The following GAGE10 variants were observed in gnomAD, a reference collection of about 807,000 sequenced individuals.
The protein encoded by GAGE10 is G antigen 10.
GAGE10 carries 9 observed loss-of-function variants against 11.5 expected under a neutral mutation model. The observed-to-expected ratio is 0.78, with a 90% CI of 0.47 to 1.37. The LOEUF (loss-of-function observed/expected upper bound fraction) is 1.37. Among genes scored for constraint, GAGE10 ranks in the 40% most tolerant of loss-of-function variants. The probability of loss-of-function intolerance (pLI) is 0.00; values close to 1 mark genes in which losing one functional copy is unlikely to be tolerated. For synonymous variants in GAGE10, 23 were observed against 29.7 expected (o/e 0.77, Z 0.73); for missense variants, 83 against 92.9 (o/e 0.89, Z 0.44).
intron 4 of GAGE10, 135 bp downstream of exon 4, chrX:49,317,423 T>C (rs781980927): frequency 5.9e-5 from 59 of 997,703 alleles, no homozygotes; most frequent in East Asian, 1.1e-4. Context: ...TCTCGGCTCA[T>C]TGGAAATTCC....
intron 3 of GAGE10, among the ~76,000 whole-genome samples, chrX:49,308,406 C>G (rs2066364661): frequency 8.9e-6 from 1 of 112,043 alleles, no homozygotes; most frequent in Non-Finnish European, 1.9e-5. Flanking sequence ...GAGACTGGCT[C>G]TCCCGGCATC....
chrX:49,315,968 G>A (rs782794776), intron 3 of GAGE10, among the ~76,000 whole-genome samples: 24 of 112,323 alleles, frequency 2.1e-4, no homozygotes, highest in Non-Finnish European at 4.1e-4. Context: ...GCCAGTAGAA[G>A]AAGAAGCCCA....
intron 1 of GAGE10, 101 bp from the exon 2 acceptor site, chrX:49,304,751 T>C: frequency 2.0e-6 from 2 of 1,023,700 alleles, no homozygotes; most frequent in Non-Finnish European, 1.4e-6. Flanking sequence ...TTTGAAAGTA[T>C]TTTCAAAATT....
At chrX:49,312,859 C>T (rs1314286505) in intron 3 of GAGE10, among the ~76,000 whole-genome samples, 2 of 112,538 alleles carry the variant, frequency 1.8e-5, no homozygotes, top group Admixed American at 9.3e-5. Flanking sequence ...CTATGTGCCA[C>T]GGCTCTCTGC....
intron 3 of GAGE10, among the ~76,000 whole-genome samples, chrX:49,310,521 G>A (rs1228700597): frequency 8.9e-6 from 1 of 111,777 alleles, no homozygotes; most frequent in African/African-American, 3.3e-5. Flanking sequence ...AAGGAGAATG[G>A]TCAATGGCCT....
At chrX:49,308,999 C>G in intron 3 of GAGE10, among the ~76,000 whole-genome samples, 2 of 112,190 alleles carry the variant, frequency 1.8e-5, no homozygotes. Flanking sequence ...AAGCACAGAT[C>G]CCTTAGCGTG....
intron 3 of GAGE10, among the ~76,000 whole-genome samples, chrX:49,312,684 G>A (rs2066379332): frequency 8.9e-6 from 1 of 112,716 alleles, no homozygotes; most frequent in African/African-American, 3.2e-5. Flanking sequence ...AAGGGAAAAA[G>A]CTTGGTTTGG....
intron 3 of GAGE10, among the ~76,000 whole-genome samples, chrX:49,307,653 T>C (rs1478913359): frequency 2.7e-5 from 3 of 110,946 alleles, no homozygotes; most frequent in Non-Finnish European, 5.7e-5. Flanking sequence ...TAATGTTTCC[T>C]TTTTTTTGTT....
Position 49,308,368 on chromosome X carries a change from C to T in GAGE10, c.202+2844C>T, listed in dbSNP as rs1455899221. On this transcript the variant is annotated intron_variant, in intron 3 of 4. Coordinates refer to ENST00000407599, the MANE Select transcript of GAGE10 (RefSeq NM_001098413.4). ...GCCAGGGGAGACCTGGTATCCAAGG[C>T]GTGCCGTAGGGGAGCTTCACCTGGA... Among the ~76,000 whole-genome samples the T allele has an allele frequency of 5.3e-5, 6 of 112,466 alleles. No individual in the cohort carries two copies. The South Asian group carries it at 1.5e-3, about 28-fold the overall frequency.
chrX:49,310,691 C>T (rs868985188), intron 3 of GAGE10, among the ~76,000 whole-genome samples: 83 of 109,663 alleles, frequency 7.6e-4, no homozygotes, highest in African/African-American at 2.5e-3. Context: ...AAGTAGGGGG[C>T]CGATCAATGG....
intron 3 of GAGE10, among the ~76,000 whole-genome samples, chrX:49,306,750 G>A (rs2066358504): frequency 9.0e-6 from 1 of 111,678 alleles, no homozygotes; most frequent in African/African-American, 3.3e-5. Flanking sequence ...CAGCTACTTG[G>A]GAGTCTGAGG....
intron 3 of GAGE10, among the ~76,000 whole-genome samples, chrX:49,316,557 G>A (rs1335779913): frequency 6.3e-5 from 7 of 111,355 alleles, no homozygotes; most frequent in African/African-American, 1.6e-4. Context: ...CACGCCCAAC[G>A]CAGATAATTT....
At chrX:49,307,823 C>T (rs1195474428) in intron 3 of GAGE10, among the ~76,000 whole-genome samples, 1 of 112,016 alleles carries the variant, frequency 8.9e-6, no homozygotes, top group African/African-American at 3.3e-5. Context: ...TAAGCAAAAA[C>T]TCAGTTGTAT....
Position 49,317,298 on chromosome X carries a change from C to T in GAGE10, c.328+10C>T. ...AAAAGGCCTGAAGAAGGTAGGGAAT[C>T]CATTAGGCATGCACATTGTAGGGTG... On this transcript the variant is annotated intron_variant, in intron 4 of 4. Coordinates refer to ENST00000407599, the MANE Select transcript of GAGE10 (RefSeq NM_001098413.4). The T allele has an allele frequency of 8.3e-7, 1 of 1,200,117 alleles. No homozygotes were observed. Among genetic ancestry groups the T allele is most frequent in the Non-Finnish European group, 1.1e-6 (1 of 888,054 alleles).
intron 3 of GAGE10, among the ~76,000 whole-genome samples, chrX:49,306,628 C>T (rs782385541): frequency 9.0e-6 from 1 of 111,363 alleles, no homozygotes; most frequent in African/African-American, 3.3e-5. Context: ...GCACACTGCT[C>T]TCGGTACTCT....
chrX:49,304,972 T>C (rs1219747236), intron 2 of GAGE10, 32 bp downstream of exon 2: 1 of 1,176,558 alleles, frequency 8.5e-7, no homozygotes, highest in African/African-American at 1.8e-5. Context: ...CGTTGTTTTC[T>C]ATTAGCAGAA....
chrX:49,304,625 T>A (rs1343014609), intron 1 of GAGE10, among the ~76,000 whole-genome samples: 2 of 112,534 alleles, frequency 1.8e-5, no homozygotes, highest in Non-Finnish European at 3.8e-5. Flanking sequence ...AGAAAAAAAA[T>A]GTCCTCTGCG....
At chrX:49,312,124 G>A (rs1414390651) in intron 3 of GAGE10, among the ~76,000 whole-genome samples, 3 of 111,941 alleles carry the variant, frequency 2.7e-5, no homozygotes, top group Admixed American at 9.5e-5. Context: ...TGAACGAGCC[G>A]GGAAGATCTC....
chrX:49,304,563 C>T (rs1363393286), intron 1 of GAGE10, among the ~76,000 whole-genome samples: 2 of 111,164 alleles, frequency 1.8e-5, no homozygotes, highest in Non-Finnish European at 3.8e-5. Flanking sequence ...GTGATCACGC[C>T]GCTGCACTCT....
Sources: gnomAD v4.1 joint callset for allele counts (sites outside exome capture counted in the v4.1 genomes callset) on GRCh38, gnomAD v4.1.1 for gene constraint, MANE v1.5 for transcripts, NCBI Gene and HGNC (gene_info 2026-07-23, HGNC 2026-07-21) for gene names.